The following SLC2A11 variants were observed in gnomAD, a reference collection of about 807,000 sequenced individuals.
SLC2A11 encodes the protein solute carrier family 2 member 11, also known as solute carrier family 2, facilitated glucose transporter member 11.
Under a neutral mutation model 52.1 loss-of-function variants are expected in SLC2A11, and 43 were observed. The observed-to-expected ratio is 0.82, with a 90% CI of 0.65 to 1.06. The LOEUF is 1.06. Ranked by LOEUF, SLC2A11 falls within the 50% of genes least tolerant of loss-of-function variation. The pLI is 0.00. For synonymous variants in SLC2A11, 261 were observed against 277.6 expected, an observed-to-expected ratio of 0.94 and a Z score of 0.59; for missense variants, 582 against 654.2, an observed-to-expected ratio of 0.89 and a Z score of 1.20.
chr22:23,873,736 T>A (rs1432452480), intron 3 of SLC2A11, among the ~76,000 whole-genome samples: 1 of 152,230 alleles, frequency 6.6e-6, no homozygotes, highest in Non-Finnish European at 1.5e-5. Context: ...AAGTACTTAA[T>A]TATTATTAAT....
chr22:23,870,322 C>T (rs1024225414), intron 3 of SLC2A11: 5 of 428,590 alleles, frequency 1.2e-5, no homozygotes, highest in African/African-American at 4.1e-5. Flanking sequence ...ATGTCTGTTC[C>T]CCTCCCCAGG....
At chr22:23,875,268 C>CT in intron 4 of SLC2A11, 27 bp downstream of exon 4, 1 of 1,365,146 alleles carries the variant, frequency 7.3e-7, no homozygotes, top group Non-Finnish European at 9.5e-7. Context: ...TCTCATCCTG[C>CT]CTCTCTATGC....
chr22:23,874,700 C>T (rs1191588048), intron 3 of SLC2A11, among the ~76,000 whole-genome samples: 1 of 152,088 alleles, frequency 6.6e-6, no homozygotes, highest in Non-Finnish European at 1.5e-5. Context: ...GATCCACCCA[C>T]CTCAGCATCC....
intron 6 of SLC2A11, among the ~76,000 whole-genome samples, chr22:23,878,979 A>T (rs1192838855): frequency 6.6e-6 from 1 of 152,194 alleles, no homozygotes; most frequent in Non-Finnish European, 1.5e-5. Flanking sequence ...CGAGGAAGCA[A>T]GGCAGGCACA....
rs2032933355 is a variant in SLC2A11 at position 23,884,408 on chromosome 22, C to G, written c.1278C>G (p.Gly426=). ...ALMWIMLILV[G]LGFPFIMEAL... ...TGTGGATCATGCTCATCCTGGTCGG[C>G]CTGGGATTTCCCTTTATCATGGTAG... The change falls in exon 11 of 12, where the codon GGC becomes GGG. Residue 426 remains glycine (G), a synonymous_variant. Transcript: ENST00000316185. The surrounding 1 kb of genome is among the most constrained non-coding windows in gnomAD (Gnocchi z 4.3). 1.9e-6 allele frequency: 3 copies of G among 1,613,750 alleles called. No homozygotes were observed. Among genetic ancestry groups the G allele is most frequent in the Non-Finnish European group, 2.5e-6 (3 of 1,179,900 alleles).
rs541461949 is a variant in SLC2A11, at chr22:23,882,702, C to T, written c.882+56C>T. The T allele has an allele frequency of 1.2e-3, 1,963 of 1,605,236 alleles. 41 individuals carry two copies. In the South Asian group the frequency reaches 0.02, roughly 16 times the overall value. ...GCCCCGGGGGCTTGGTGTTGCAGGC[C>T]GCTGGGAGCCATGGGAGGTGGAAGG... On this transcript the variant is annotated intron_variant, in intron 7 of 11. Transcript: ENST00000316185.
At chr22:23,870,639 A>G (rs11913427) in intron 3 of SLC2A11, 27,629 of 151,914 alleles carry the variant, frequency 0.18, 2,608 homozygotes, top group African/African-American at 0.23. Context: ...AAGCAGAAAT[A>G]TATTTATGTA....
At chr22:23,874,503 G>T (rs1427701662) in intron 3 of SLC2A11, among the ~76,000 whole-genome samples, 1 of 151,346 alleles carries the variant, frequency 6.6e-6, no homozygotes, top group Non-Finnish European at 1.5e-5. Context: ...CCAGGCTGGA[G>T]TGCAATGGCG....
chr22:23,876,897 T>A, intron 4 of SLC2A11, 145 bp from the exon 5 acceptor site: 1 of 1,271,300 alleles, frequency 7.9e-7, no homozygotes, highest in Non-Finnish European at 1.1e-6. Context: ...AACCCCTGAG[T>A]GTGGGGGGTG....
At chr22:23,859,204 C>T (rs536951223) in intron 1 of SLC2A11, among the ~76,000 whole-genome samples, 1 of 152,184 alleles carries the variant, frequency 6.6e-6, no homozygotes, top group African/African-American at 2.4e-5. Context: ...GTAATTTGGC[C>T]TCAATGGGAC....
chr22:23,881,015 CT>C (rs1482883550), intron 6 of SLC2A11: 1 of 151,930 alleles, frequency 6.6e-6, no homozygotes, highest in African/African-American at 2.4e-5. Context: ...TCTGCCTCGT[CT>C]TGGAACTGAT....
rs929706322 is a variant in SLC2A11, at chr22:23,884,138, C to T, written c.1171+114C>T. Reference sequence around the variant, plus strand: ...ATGTCCCCTGCAGGCCCTCAGAGACCACCTCATGCCGGGGCTTCTGGGAGG... The same window carrying T: ...ATGTCCCCTGCAGGCCCTCAGAGACTACCTCATGCCGGGGCTTCTGGGAGG... On this transcript the variant is annotated intron_variant, in intron 10 of 11. Transcript: ENST00000316185. This position sits in a 1 kb window ranked among gnomAD's most constrained non-coding sequence, Gnocchi z 4.3. The T allele has an allele frequency of 6.7e-7, 1 of 1,498,670 alleles. No homozygotes were observed. The highest frequency in any genetic ancestry group is 2.4e-5 in the East Asian group (1 of 42,268). The allele number at this position is 1,498,670 out of a possible 1,614,324, so 92.8% of individuals were successfully genotyped here.
Position 23,875,116 on chromosome 22 carries a change from G to C in SLC2A11, c.291-1G>C, listed in dbSNP as rs1235076683. The C allele has an allele frequency of 6.4e-7, 1 of 1,573,986 alleles. No individual in the cohort carries two copies. The highest frequency in any genetic ancestry group is 1.2e-5 in the South Asian group (1 of 85,562). On this transcript the variant is annotated splice_acceptor_variant, in intron 3 of 11. Transcript: ENST00000316185. LOFTEE classifies it high-confidence loss of function. The stretch of plus-strand genomic sequence containing the variant: ...TTTCTGTGTGTTTCACTTCCCCCAA[G>C]GAAGAAGTCCCTCCTGGTGAATAAC...
In SLC2A11 at chr22:23,884,939, T is replaced by A; in HGVS notation, c.*90T>A. 1 of 1,079,632 alleles carries A rather than the reference T, an allele frequency of 9.3e-7. No individual in the cohort carries two copies. The highest frequency in any genetic ancestry group is 1.4e-6 in the Non-Finnish European group (1 of 738,272). The allele number at this position is 1,079,632 out of a possible 1,614,324, so 66.9% of individuals were successfully genotyped here. On this transcript the variant is annotated 3_prime_UTR_variant, in exon 12 of 12. Coordinates refer to ENST00000316185, the MANE Select transcript of SLC2A11 (RefSeq NM_001024939.4). This position sits in a 1 kb window ranked among gnomAD's most constrained non-coding sequence, Gnocchi z 4.3. ...TGGTCCTCACTCCCTCCTGCATTCC[T>A]CATTTAAGGAGTGTTTATTGAGCAC... is the stretch of plus-strand genomic sequence containing the variant.
chr22:23,882,067 A>AC (rs2032823716), intron 6 of SLC2A11: 2 of 151,722 alleles, frequency 1.3e-5, no homozygotes, highest in Non-Finnish European at 2.6e-5. Context: ...CAGAGAGAGA[A>AC]ACACACACAC....
intron 8 of SLC2A11, chr22:23,883,503 A>C (rs1457730610): frequency 6.8e-6 from 3 of 441,998 alleles, no homozygotes; most frequent in African/African-American, 6.2e-5. Context: ...CCCTGTCTCA[A>C]TCAATCAATC....
chr22:23,869,755 G>T (rs527922642), intron 3 of SLC2A11: 7 of 512,954 alleles, frequency 1.4e-5, no homozygotes, highest in African/African-American at 1.2e-4. Flanking sequence ...TCACAGTTCT[G>T]GAGGCTGTGA....
At position 23,879,514 on chromosome 22, in the gene SLC2A11, C is replaced by T. The variant is rs138209218; in HGVS notation, c.694+1645C>T. The T allele has an allele frequency of 3.3e-5, 5 of 152,374 alleles. No individual in the cohort carries two copies. In the East Asian group the frequency reaches 7.7e-4, roughly 24 times the overall value. The allele number at this position is 152,374 out of a possible 1,614,324, so 9.4% of individuals were successfully genotyped here. A position where few individuals can be genotyped will look rare whatever the true frequency, so the allele number is the denominator to read the frequency against. On this transcript the variant is annotated intron_variant, in intron 6 of 11. Transcript: ENST00000316185. ...CTCCTGAGATCAAATGATCCTCCCC[C>T]CTTGGCCTCCCAAAGTGCGTGGATT...
At chr22:23,858,897 TG>T (rs2031954821) in intron 1 of SLC2A11, among the ~76,000 whole-genome samples, 1 of 152,204 alleles carries the variant, frequency 6.6e-6, no homozygotes, top group African/African-American at 2.4e-5. Flanking sequence ...TGTTCACTGC[TG>T]TATCCCAACA....
Sources: allele counts gnomAD v4.1 joint callset (sites outside exome capture counted in the v4.1 genomes callset), GRCh38; gene constraint gnomAD v4.1.1; non-coding constraint Gnocchi (gnomAD v3.1); transcripts MANE v1.5; gene names NCBI Gene and HGNC (gene_info 2026-07-23, HGNC 2026-07-21).